Variants in LRRTM4 observed in about 807,000 individuals in gnomAD.
LRRTM4 encodes the protein leucine-rich repeat transmembrane neuronal protein 4.
LRRTM4 carries 25 observed loss-of-function variants against 47.6 expected under a neutral mutation model. That is an observed-to-expected ratio of 0.53 (90% CI 0.38 to 0.73). LRRTM4 has a LOEUF of 0.73. LRRTM4 is among the 30% of genes least tolerant of loss of function. LRRTM4 has a pLI of 0.00. For missense variants in LRRTM4, 638 were observed against 713.4 expected (o/e 0.89, Z 1.20); for synonymous variants, 311 against 269.5 (o/e 1.15, Z -1.51).
intron 3 of LRRTM4, among the ~76,000 whole-genome samples, chr2:77,236,625 G>A (rs1330023009): frequency 6.6e-6 from 1 of 151,890 alleles, no homozygotes; most frequent in Non-Finnish European, 1.5e-5. Flanking sequence ...ATGCTTCCAT[G>A]TTTTGATCAT....
At chr2:77,225,954 A>C (rs1674792001) in intron 3 of LRRTM4, among the ~76,000 whole-genome samples, 1 of 152,002 alleles carries the variant, frequency 6.6e-6, no homozygotes, top group Admixed American at 6.6e-5. Context: ...TTTGATAAGT[A>C]ATTTATTCTT....
At chr2:76,891,432 G>A (rs1483737656) in intron 3 of LRRTM4, among the ~76,000 whole-genome samples, 3 of 151,592 alleles carry the variant, frequency 2.0e-5, no homozygotes, top group Non-Finnish European at 4.4e-5. Context: ...TCGGATGTTG[G>A]AATTGAGAAA....
intron 3 of LRRTM4, among the ~76,000 whole-genome samples, chr2:77,158,443 T>A (rs757768213): frequency 6.6e-6 from 1 of 152,226 alleles, no homozygotes; most frequent in Non-Finnish European, 1.5e-5. Flanking sequence ...ATATTTGGAA[T>A]GTTGCCTGTT....
At chr2:76,797,819 G>C (rs1433879813) in intron 3 of LRRTM4, among the ~76,000 whole-genome samples, 2 of 151,324 alleles carry the variant, frequency 1.3e-5, no homozygotes, top group African/African-American at 2.4e-5. Context: ...TGCAATCCTA[G>C]TCTCTGATAA....
At chr2:77,448,550 G>A (rs1676140267) in intron 3 of LRRTM4, among the ~76,000 whole-genome samples, 1 of 152,120 alleles carries the variant, frequency 6.6e-6, no homozygotes, top group Non-Finnish European at 1.5e-5. Context: ...ATCATCTGAT[G>A]TGTTATAATG....
intron 3 of LRRTM4, among the ~76,000 whole-genome samples, chr2:77,440,047 C>G (rs1412652348): frequency 6.6e-6 from 1 of 152,158 alleles, no homozygotes; most frequent in African/African-American, 2.4e-5. Flanking sequence ...ACAGTAATTA[C>G]AGTCATGTAG....
At chr2:77,115,060 T>C (rs1272146267) in intron 3 of LRRTM4, among the ~76,000 whole-genome samples, 1 of 152,134 alleles carries the variant, frequency 6.6e-6, no homozygotes, top group Non-Finnish European at 1.5e-5. Flanking sequence ...TTATCTCAAC[T>C]GCATAAGACA....
At chr2:76,849,313 C>T (rs1671925246) in intron 3 of LRRTM4, among the ~76,000 whole-genome samples, 1 of 151,976 alleles carries the variant, frequency 6.6e-6, no homozygotes, top group African/African-American at 2.4e-5. Context: ...CAGTGTGATC[C>T]TCCTCCACCT....
chr2:77,089,270 GA>G (rs1680843594), intron 3 of LRRTM4, among the ~76,000 whole-genome samples: 2 of 145,338 alleles, frequency 1.4e-5, no homozygotes, highest in African/African-American at 2.6e-5. Context: ...GCTTTTCTGG[GA>G]GGGGGCAAGT....
chr2:76,755,756 C>T lies in LRRTM4; in HGVS notation c.1552-6840G>A, dbSNP rs916114033. Among the ~76,000 whole-genome samples the T allele has an allele frequency of 5.9e-5, 9 of 152,056 alleles. No homozygotes were observed. In the South Asian group the frequency reaches 8.3e-4, roughly 14 times the overall value. The stretch of plus-strand genomic sequence containing the variant: ...GCCTCAGCCTTACTCACAGGGTTCA[C>T]GTTATAGAATATTAAGGAAAGCAAG... On this transcript the variant is annotated intron_variant, in intron 3 of 3. Coordinates refer to ENST00000409884, the MANE Select transcript of LRRTM4 (RefSeq NM_001134745.3).
intron 3 of LRRTM4, among the ~76,000 whole-genome samples, chr2:77,373,086 A>ATATATATATAT (rs1553435858): frequency 2.1e-3 from 275 of 130,050 alleles, no homozygotes; most frequent in South Asian, 6.6e-3. Context: ...AATTAAAAAA[A>ATATATATATAT]AAATATATAT....
At chr2:77,153,037 A>G (rs1023987055) in intron 3 of LRRTM4, among the ~76,000 whole-genome samples, 1 of 152,186 alleles carries the variant, frequency 6.6e-6, no homozygotes, top group Non-Finnish European at 1.5e-5. Context: ...AAAAAGAAAA[A>G]AAAGCATATT....
chr2:76,820,526 G>C (rs540968385), intron 3 of LRRTM4, among the ~76,000 whole-genome samples: 1 of 151,876 alleles, frequency 6.6e-6, no homozygotes, highest in African/African-American at 2.4e-5. Context: ...TCTGAGAGCT[G>C]TATCGCTAGA....
chr2:77,095,692 T>A (rs985540054), intron 3 of LRRTM4, among the ~76,000 whole-genome samples: 3 of 151,970 alleles, frequency 2.0e-5, no homozygotes, highest in African/African-American at 7.3e-5. Context: ...TATTTTTTAG[T>A]AGAGACAGGG....
intron 3 of LRRTM4, among the ~76,000 whole-genome samples, chr2:76,927,436 G>T (rs1003416381): frequency 4.6e-5 from 7 of 152,098 alleles, no homozygotes. Context: ...TACAGGTCAA[G>T]TGTGAGAGAT....
At position 77,346,644 on chromosome 2, in the gene LRRTM4, A is replaced by G. The variant is rs188552117; in HGVS notation, c.1551+171674T>C. The stretch of plus-strand genomic sequence containing the variant: ...CCTCTAGAAATAAAATAAGAAAATA[A>G]TCATGGATATAGACAAAAATGTAGC... On this transcript the variant is annotated intron_variant, in intron 3 of 3. Transcript: ENST00000409884. Among the ~76,000 whole-genome samples the G allele has an allele frequency of 8.7e-3, 1,324 of 152,268 alleles. 24 individuals carry two copies. The highest frequency in any genetic ancestry group is 0.031 in the African/African-American group (1,287 of 41,562).
chr2:76,759,564 T>G (rs1558635503), intron 3 of LRRTM4, among the ~76,000 whole-genome samples: 2 of 152,166 alleles, frequency 1.3e-5, no homozygotes, highest in Non-Finnish European at 2.9e-5. Context: ...CTTTGGTGAT[T>G]TTGTAAAAGG....
chr2:77,252,757 T>C (rs1271170912), intron 3 of LRRTM4, among the ~76,000 whole-genome samples: 1 of 152,078 alleles, frequency 6.6e-6, no homozygotes, highest in Non-Finnish European at 1.5e-5. Context: ...TGCGTGCCTC[T>C]GAGATGGGGA....
At chr2:76,898,060 T>C (rs1673482849) in intron 3 of LRRTM4, among the ~76,000 whole-genome samples, 1 of 152,166 alleles carries the variant, frequency 6.6e-6, no homozygotes, top group South Asian at 2.1e-4. Flanking sequence ...AGAGTTTCTC[T>C]TTAGAATTGA....
Sources: allele counts gnomAD v4.1 joint callset (sites outside exome capture counted in the v4.1 genomes callset), GRCh38; gene constraint gnomAD v4.1.1; transcripts MANE v1.5; gene names NCBI Gene and HGNC (gene_info 2026-07-23, HGNC 2026-07-21).